GRID2: variants seen among roughly 807,000 people sequenced by gnomAD.
GRID2 encodes glutamate ionotropic receptor delta type subunit 2.
A neutral mutation model predicts 114.8 loss-of-function variants in GRID2; 33 were observed. The observed-to-expected ratio is 0.29, with a 90% CI of 0.22 to 0.38. GRID2 has a LOEUF of 0.38. Ranked by LOEUF, GRID2 falls within the 10% of genes least tolerant of loss-of-function variation. GRID2 has a pLI of 1.00. For missense variants in GRID2, 1,184 were observed against 1,257.7 expected, an observed-to-expected ratio of 0.94 and a Z score of 0.89; for synonymous variants, 505 against 449.9, an observed-to-expected ratio of 1.12 and a Z score of -1.55.
intron 5 of GRID2, among the ~76,000 whole-genome samples, chr4:93,214,967 G>A (rs1744017559): frequency 6.6e-6 from 1 of 151,988 alleles, no homozygotes; most frequent in Non-Finnish European, 1.5e-5. Flanking sequence ...CATCCTATGA[G>A]TAGAGTATTA....
At chr4:92,901,971 C>G (rs1432529153) in intron 2 of GRID2, among the ~76,000 whole-genome samples, 7 of 152,014 alleles carry the variant, frequency 4.6e-5, no homozygotes, top group Non-Finnish European at 1.0e-4. Context: ...TTTGGTAGGA[C>G]TCAAGTATGA....
intron 2 of GRID2, among the ~76,000 whole-genome samples, chr4:93,072,315 G>C (rs1728880996): frequency 6.6e-6 from 1 of 152,218 alleles, no homozygotes; most frequent in South Asian, 2.1e-4. Flanking sequence ...AGGAGTAAGA[G>C]GTTACTGTCT....
chr4:92,486,546 T>TACACACAC (rs1722896536), intron 1 of GRID2, among the ~76,000 whole-genome samples: 1 of 76,704 alleles, frequency 1.3e-5, no homozygotes, highest in Non-Finnish European at 2.7e-5. Flanking sequence ...CTCTCTCTCT[T>TACACACAC]TCACACACAC....
chr4:92,332,147 T>C (rs1323833132), intron 1 of GRID2, among the ~76,000 whole-genome samples: 2 of 152,144 alleles, frequency 1.3e-5, no homozygotes, highest in African/African-American at 4.8e-5. Flanking sequence ...TAGGATAATA[T>C]CACAGACTGG....
chr4:92,993,759 T>G (rs1755044834), intron 2 of GRID2, among the ~76,000 whole-genome samples: 1 of 152,184 alleles, frequency 6.6e-6, no homozygotes, highest in South Asian at 2.1e-4. Flanking sequence ...TTCAACACTA[T>G]TTGTTAAGTA....
chr4:93,468,010 T>G (rs1215407091), intron 11 of GRID2, among the ~76,000 whole-genome samples: 1 of 152,226 alleles, frequency 6.6e-6, no homozygotes, highest in Non-Finnish European at 1.5e-5. Flanking sequence ...AAGTTTGTAC[T>G]TATAGAATCA....
At chr4:92,763,141 T>C (rs928105252) in intron 2 of GRID2, among the ~76,000 whole-genome samples, 3 of 152,192 alleles carry the variant, frequency 2.0e-5, no homozygotes, top group Non-Finnish European at 4.4e-5. Flanking sequence ...ACTTTTGCTA[T>C]TGTAACAATC....
intron 11 of GRID2, among the ~76,000 whole-genome samples, chr4:93,467,947 G>A (rs1421756972): frequency 6.6e-6 from 1 of 152,140 alleles, no homozygotes; most frequent in Non-Finnish European, 1.5e-5. Context: ...TTTGAAATAA[G>A]TGAAATGTCT....
At chr4:92,879,313 C>T (rs975376605) in intron 2 of GRID2, among the ~76,000 whole-genome samples, 1 of 152,000 alleles carries the variant, frequency 6.6e-6, no homozygotes, top group Non-Finnish European at 1.5e-5. Context: ...TTGACTGACA[C>T]CAATAAAATG....
intron 1 of GRID2, among the ~76,000 whole-genome samples, chr4:92,343,878 A>G (rs1579210975): frequency 6.6e-6 from 1 of 152,214 alleles, no homozygotes; most frequent in African/African-American, 2.4e-5. Flanking sequence ...CCAGCTATAT[A>G]TGTATTATAT....
intron 1 of GRID2, among the ~76,000 whole-genome samples, chr4:92,362,554 G>A (rs938329192): frequency 3.3e-5 from 5 of 151,846 alleles, no homozygotes; most frequent in Non-Finnish European, 7.4e-5. Flanking sequence ...CTTTGTAAAT[G>A]TATAGTTACA....
chr4:92,832,268 G>A (rs900021275), intron 2 of GRID2, among the ~76,000 whole-genome samples: 3 of 151,880 alleles, frequency 2.0e-5, no homozygotes, highest in Non-Finnish European at 4.4e-5. Context: ...GATGAAACAC[G>A]ATCTTTACTA....
chr4:93,807,438 T>C (rs536106022), exon 2 of GRID2: 1 of 152,208 alleles, frequency 6.6e-6, no homozygotes, highest in South Asian at 2.1e-4. Context: ...AACAACATTA[T>C]TTCATACTTA....
At chr4:92,677,235 T>C (rs761636386) in intron 2 of GRID2, among the ~76,000 whole-genome samples, 4 of 152,186 alleles carry the variant, frequency 2.6e-5, no homozygotes, top group Non-Finnish European at 4.4e-5. Context: ...AATTCCACAA[T>C]GTTGCACACT....
intron 2 of GRID2, among the ~76,000 whole-genome samples, chr4:92,757,450 C>T (rs192692366): frequency 6.6e-6 from 1 of 152,254 alleles, no homozygotes; most frequent in Non-Finnish European, 1.5e-5. Context: ...TTATTCACAA[C>T]ATCTCAGATG....
chr4:92,381,689 C>A (rs1174664047), intron 1 of GRID2, among the ~76,000 whole-genome samples: 3 of 151,890 alleles, frequency 2.0e-5, no homozygotes, highest in African/African-American at 7.3e-5. Flanking sequence ...TATGGAAGTA[C>A]TGTGGAGTTT....
At chr4:93,130,349 G>A (rs1734685842) in intron 4 of GRID2, among the ~76,000 whole-genome samples, 1 of 152,156 alleles carries the variant, frequency 6.6e-6, no homozygotes, top group African/African-American at 2.4e-5. Flanking sequence ...GCTAAGGCAA[G>A]AGGATTACTG....
chr4:92,852,668 CCCT>C (rs1424965126), intron 2 of GRID2, among the ~76,000 whole-genome samples: 3 of 151,840 alleles, frequency 2.0e-5, no homozygotes, highest in African/African-American at 7.2e-5. Flanking sequence ...ATTAACCATG[CCCT>C]CCTTCTTGAA....
intron 2 of GRID2, among the ~76,000 whole-genome samples, chr4:92,973,121 C>G (rs1395530557): frequency 6.6e-6 from 1 of 152,120 alleles, no homozygotes; most frequent in East Asian, 1.9e-4. Context: ...TGCACATGTG[C>G]CAAGTAATGG....
Sources: gnomAD v4.1 joint callset for allele counts (sites outside exome capture counted in the v4.1 genomes callset) on GRCh38, gnomAD v4.1.1 for gene constraint, MANE v1.5 for transcripts, NCBI Gene and HGNC (gene_info 2026-07-23, HGNC 2026-07-21) for gene names.